The following ITGA9 variants were observed in gnomAD, a reference collection of about 807,000 sequenced individuals.
The protein encoded by ITGA9 is integrin alpha-9.
A neutral mutation model predicts 127.8 loss-of-function variants in ITGA9; 56 were observed. That is an observed-to-expected ratio of 0.44 (90% confidence interval 0.35 to 0.55). The LOEUF (loss-of-function observed/expected upper bound fraction) is 0.55, where lower values mean the gene tolerates loss of function less well. Ranked by LOEUF, ITGA9 falls within the 20% of genes least tolerant of loss-of-function variation. The pLI is 0.00. For missense variants in ITGA9, 1,196 were observed against 1,347.1 expected (o/e 0.89, Z 1.76); for synonymous variants, 508 against 514.5 (o/e 0.99, Z 0.17).
At chr3:37,473,299 A>G in intron 2 of ITGA9, 55 bp from the exon 3 acceptor site, 1 of 1,407,912 alleles carries the variant, frequency 7.1e-7, no homozygotes, top group Admixed American at 1.7e-5. Flanking sequence ...CTTTGAAAGC[A>G]GCCAGCAGAA....
chr3:37,580,898 CTGTGACTCTGGACG>C (rs1471177410), intron 15 of ITGA9, among the ~76,000 whole-genome samples: 1 of 152,218 alleles, frequency 6.6e-6, no homozygotes, highest in Non-Finnish European at 1.5e-5. Context: ...ATTACTGGCT[CTGTGACTCTGGACG>C]AGTTGCTTTA....
At chr3:37,588,183 C>G (rs921467147) in intron 15 of ITGA9, among the ~76,000 whole-genome samples, 7 of 152,242 alleles carry the variant, frequency 4.6e-5, no homozygotes, top group African/African-American at 1.7e-4. Context: ...GGTAACTGTT[C>G]AGTAAACTGT....
intron 26 of ITGA9, among the ~76,000 whole-genome samples, chr3:37,786,370 G>A (rs945449333): frequency 2.6e-5 from 4 of 152,078 alleles, no homozygotes; most frequent in African/African-American, 9.7e-5. Context: ...ATAAATGCTG[G>A]GCAGGCGGAT....
chr3:37,500,738 G>A (rs1404587374), intron 5 of ITGA9, among the ~76,000 whole-genome samples: 1 of 152,194 alleles, frequency 6.6e-6, no homozygotes. Context: ...CCAGTGCGTG[G>A]GCTCGTCTCT....
At chr3:37,644,617 G>C (rs1575178543) in intron 16 of ITGA9, among the ~76,000 whole-genome samples, 1 of 152,128 alleles carries the variant, frequency 6.6e-6, no homozygotes, top group East Asian at 1.9e-4. Flanking sequence ...GGGCAGAGGG[G>C]ATAATTCTGC....
chr3:37,641,381 G>C (rs144342742), intron 16 of ITGA9, among the ~76,000 whole-genome samples: 24 of 152,220 alleles, frequency 1.6e-4, no homozygotes, highest in African/African-American at 5.1e-4. Flanking sequence ...CTGGTCTAAG[G>C]GTTCTGGCAG....
chr3:37,819,732 T>TCTGTA lies in ITGA9; in HGVS notation c.*744_*748dup, dbSNP rs1189610983. On this transcript the variant is annotated 3_prime_UTR_variant, in exon 28 of 28. Coordinates refer to ENST00000264741, the MANE Select transcript of ITGA9 (RefSeq NM_002207.3). Reference sequence around the variant, plus strand: ...ACCTGATCCCTAGCAAGAAGTCTGCTCTGTATCACCTTTATATAGCAGACA... The same window carrying TCTGTA: ...ACCTGATCCCTAGCAAGAAGTCTGCTCTGTACTGTATCACCTTTATATAGCAGACA... The TCTGTA allele has an allele frequency of 6.6e-6, 1 of 152,452 alleles. No individual in the cohort carries two copies. The highest frequency in any genetic ancestry group is 1.5e-5 in the Non-Finnish European group (1 of 68,234). 9.4% of individuals were successfully genotyped at this position (152,452 alleles called of 1,614,324 possible). A position where few individuals can be genotyped will look rare whatever the true frequency, so the allele number is the denominator to read the frequency against.
chr3:37,598,087 T>A (rs1699885350), intron 15 of ITGA9, among the ~76,000 whole-genome samples: 1 of 152,350 alleles, frequency 6.6e-6, no homozygotes, highest in South Asian at 2.1e-4. Context: ...CTTAATGTCT[T>A]TATCTGTAAA....
chr3:37,768,338 T>A (rs985796535), intron 23 of ITGA9, among the ~76,000 whole-genome samples: 1 of 152,234 alleles, frequency 6.6e-6, no homozygotes, highest in Non-Finnish European at 1.5e-5. Context: ...GTATCATTTC[T>A]CAGTTATTGT....
intron 20 of ITGA9, among the ~76,000 whole-genome samples, chr3:37,741,076 T>C (rs1364560068): frequency 6.6e-6 from 1 of 152,124 alleles, no homozygotes; most frequent in Non-Finnish European, 1.5e-5. Context: ...ACTTCATTGG[T>C]CCATTGTTCG....
intron 23 of ITGA9, among the ~76,000 whole-genome samples, chr3:37,771,107 G>A (rs1396728818): frequency 6.6e-6 from 1 of 152,194 alleles, no homozygotes; most frequent in Non-Finnish European, 1.5e-5. Flanking sequence ...AAGCAGCCAT[G>A]TCATGAGAAG....
chr3:37,537,419 T>G (rs1487532068), intron 14 of ITGA9, among the ~76,000 whole-genome samples: 1 of 152,180 alleles, frequency 6.6e-6, no homozygotes. Flanking sequence ...AAGTGAGGTT[T>G]GCAGGGTCCC....
intron 15 of ITGA9, among the ~76,000 whole-genome samples, chr3:37,550,123 A>G (rs746964959): frequency 2.6e-5 from 4 of 152,194 alleles, no homozygotes; most frequent in Admixed American, 6.5e-5. Flanking sequence ...TCACAACCTT[A>G]CAGTTGACAA....
chr3:37,609,854 G>A (rs1700000853), intron 15 of ITGA9, among the ~76,000 whole-genome samples: 2 of 152,220 alleles, frequency 1.3e-5, no homozygotes, highest in South Asian at 2.1e-4. Context: ...GAGACCCCCA[G>A]CATTCTCTTC....
intron 13 of ITGA9, among the ~76,000 whole-genome samples, chr3:37,528,885 C>T (rs757536196): frequency 6.6e-6 from 1 of 152,204 alleles, no homozygotes; most frequent in Non-Finnish European, 1.5e-5. Flanking sequence ...TCTGTCACCC[C>T]AGAGAGTTTC....
intron 1 of ITGA9, among the ~76,000 whole-genome samples, chr3:37,456,383 A>G (rs1021914600): frequency 2.6e-5 from 4 of 152,188 alleles, no homozygotes; most frequent in African/African-American, 7.2e-5. Flanking sequence ...GCCAGGGAAC[A>G]TGGACAAAGC....
Position 37,513,749 on chromosome 3 carries a change from C to T in ITGA9, c.898-14C>T. 6.2e-7 allele frequency: 1 copy of T among 1,614,046 alleles called. No individual in the cohort carries two copies. Among genetic ancestry groups the T allele is most frequent in the Non-Finnish European group, 8.5e-7 (1 of 1,179,992 alleles). On this transcript the variant is annotated splice_polypyrimidine_tract_variant and intron_variant, in intron 8 of 27. Coordinates refer to ENST00000264741, the MANE Select transcript of ITGA9 (RefSeq NM_002207.3). Reference sequence around the variant, plus strand: ...AGACACTGAATGCTTTGTTGCAACTCAACTTGGTTGCAGATGGGCTCTTAC... The same window carrying T: ...AGACACTGAATGCTTTGTTGCAACTTAACTTGGTTGCAGATGGGCTCTTAC...
Position 37,819,068 on chromosome 3 carries a change from A to G in ITGA9, c.*79A>G, listed in dbSNP as rs139487948. On this transcript the variant is annotated 3_prime_UTR_variant, in exon 28 of 28. Coordinates refer to ENST00000264741, the MANE Select transcript of ITGA9 (RefSeq NM_002207.3). ...TATCTTCCATATTTGGAAGAAAAAA[A>G]TCTTCTCCAGATTTTTCGGAGGCCC... 1,093 of 1,128,384 alleles carry G rather than the reference A, an allele frequency of 9.7e-4. 1 individual carries two copies. Among genetic ancestry groups the G allele is most frequent in the Non-Finnish European group, 1.3e-3 (998 of 747,360 alleles). 69.9% of individuals were successfully genotyped at this position (1,128,384 alleles called of 1,614,324 possible).
intron 26 of ITGA9, among the ~76,000 whole-genome samples, chr3:37,793,423 C>CAT (rs1259137762): frequency 3.4e-5 from 5 of 148,356 alleles, no homozygotes; most frequent in African/African-American, 4.9e-5. Context: ...CACACACACA[C>CAT]ACACACACAC....
Sources: allele counts gnomAD v4.1 joint callset (sites outside exome capture counted in the v4.1 genomes callset), GRCh38; gene constraint gnomAD v4.1.1; transcripts MANE v1.5; gene names NCBI Gene and HGNC (gene_info 2026-07-23, HGNC 2026-07-21).